Variants in LNP1 observed in about 807,000 individuals in gnomAD.
The protein encoded by LNP1 is leukemia NUP98 fusion partner 1.
A neutral mutation model predicts 14.5 loss-of-function variants in LNP1; 12 were observed. The observed-to-expected ratio is 0.83, with a 90% CI of 0.53 to 1.34. LNP1 has a LOEUF of 1.34. LNP1 is among the 40% of genes most tolerant of loss of function. The pLI is 0.00. For synonymous variants in LNP1, 75 were observed against 71.4 expected, an observed-to-expected ratio of 1.05 and a Z score of -0.26; for missense variants, 198 against 210.9, an observed-to-expected ratio of 0.94 and a Z score of 0.38.
intron 2 of LNP1, among the ~76,000 whole-genome samples, chr3:100,447,213 C>T (rs555263938): frequency 1.4e-4 from 21 of 151,980 alleles, no homozygotes; most frequent in Non-Finnish European, 2.9e-4. Context: ...TGTCCATCAG[C>T]GATAGACTGG....
At chr3:100,432,012 A>T (rs199820630) in intron 2 of LNP1, among the ~76,000 whole-genome samples, 1 of 17,904 alleles carries the variant, frequency 5.6e-5, no homozygotes, top group African/African-American at 1.9e-4. Flanking sequence ...ATATATATAT[A>T]TATATATATA....
chr3:100,408,604 A>G (rs1706994891), intron 1 of LNP1, among the ~76,000 whole-genome samples: 1 of 152,166 alleles, frequency 6.6e-6, no homozygotes, highest in African/African-American at 2.4e-5. Flanking sequence ...TTTGTCTCAC[A>G]GGGGCTATGG....
At chr3:100,422,367 T>C (rs1199670342) in intron 1 of LNP1, among the ~76,000 whole-genome samples, 1 of 152,014 alleles carries the variant, frequency 6.6e-6, no homozygotes, top group Non-Finnish European at 1.5e-5. Context: ...GCATTTTTAG[T>C]GGAGACAGGG....
Position 100,408,952 on chromosome 3 carries a change from A to G in LNP1, c.-34+6513A>G, listed in dbSNP as rs1272821848. On this transcript the variant is annotated intron_variant, in intron 1 of 3. Transcript: ENST00000383693. Reference sequence around the variant, plus strand: ...TAGCTCTCGTGAAGGTATTTTATACATAGATAGTTGTTCAAATTCATATTT... The same window carrying G: ...TAGCTCTCGTGAAGGTATTTTATACGTAGATAGTTGTTCAAATTCATATTT... 2.0e-5 allele frequency among the ~76,000 whole-genome samples: 3 copies of G among 152,324 alleles called. No homozygotes were observed. In the East Asian group the frequency reaches 5.8e-4, roughly 29 times the overall value.
intron 1 of LNP1, 79 bp downstream of exon 1, chr3:100,402,518 G>A: frequency 6.6e-6 from 1 of 152,188 alleles, no homozygotes; most frequent in East Asian, 1.9e-4. Flanking sequence ...AAAAATAGCA[G>A]TGGAATTGAG....
chr3:100,452,500 C>T (rs1255890610), intron 3 of LNP1, among the ~76,000 whole-genome samples: 3 of 152,092 alleles, frequency 2.0e-5, no homozygotes, highest in African/African-American at 7.2e-5. Context: ...AGCCACCACA[C>T]CCAGCCCCCT....
intron 1 of LNP1, among the ~76,000 whole-genome samples, chr3:100,417,371 C>A (rs74573932): frequency 1.5e-5 from 1 of 64,626 alleles, no homozygotes; most frequent in African/African-American, 5.7e-5. Flanking sequence ...TTTCTTTTTT[C>A]TTTTTTTTTT....
At chr3:100,404,762 C>T (rs1189735033) in intron 1 of LNP1, among the ~76,000 whole-genome samples, 1 of 151,586 alleles carries the variant, frequency 6.6e-6, no homozygotes, top group East Asian at 1.9e-4. Context: ...TCATCATTTT[C>T]CCCACTCATT....
At position 100,404,938 on chromosome 3, in the gene LNP1, G is replaced by GC. The variant is rs561966047; in HGVS notation, c.-34+2502dup. ...CTCCCGAGTAGCTGGGACTACTGGC[G>GC]CCCGCCACCACACCTGGATAATTTT... On this transcript the variant is annotated intron_variant, in intron 1 of 3. Coordinates refer to ENST00000383693, the MANE Select transcript of LNP1 (RefSeq NM_001085451.2). Among the ~76,000 whole-genome samples the GC allele has an allele frequency of 1.8e-3, 279 of 151,852 alleles. 2 individuals are homozygous for GC. In the South Asian group the frequency reaches 0.023, roughly 12 times the overall value.
intron 2 of LNP1, among the ~76,000 whole-genome samples, chr3:100,432,949 A>C (rs909123252): frequency 6.6e-6 from 1 of 152,210 alleles, no homozygotes; most frequent in Admixed American, 6.5e-5. Context: ...GGACCTCCAC[A>C]GTGCTTCTTC....
chr3:100,416,671 TA>T (rs1270035592), intron 1 of LNP1, among the ~76,000 whole-genome samples: 3 of 150,110 alleles, frequency 2.0e-5, no homozygotes, highest in African/African-American at 4.9e-5. Flanking sequence ...GTCCTTTTTT[TA>T]AAAAAAATAT....
chr3:100,419,122 G>C (rs1187580856), intron 1 of LNP1, among the ~76,000 whole-genome samples: 1 of 152,130 alleles, frequency 6.6e-6, no homozygotes, highest in Non-Finnish European at 1.5e-5. Context: ...TTGTCGTAGA[G>C]CTGTCCATAG....
intron 2 of LNP1, among the ~76,000 whole-genome samples, chr3:100,431,448 A>C (rs1477456386): frequency 6.6e-6 from 1 of 152,202 alleles, no homozygotes; most frequent in East Asian, 1.9e-4. Flanking sequence ...TCTCTGAGTC[A>C]GCAATGAATT....
At chr3:100,440,230 T>C (rs1707333213) in intron 2 of LNP1, among the ~76,000 whole-genome samples, 1 of 152,206 alleles carries the variant, frequency 6.6e-6, no homozygotes, top group Admixed American at 6.5e-5. Context: ...ATCACCTCTT[T>C]AAAGCCCTAT....
rs1437840009 is a variant in LNP1 at position 100,429,751 on chromosome 3, G to T, written c.22G>T (p.Asp8Tyr). The change falls in exon 2 of 4, where the codon GAT becomes TAT. Residue 8 changes from aspartate to tyrosine, a missense_variant. Coordinates refer to ENST00000383693, the MANE Select transcript of LNP1 (RefSeq NM_001085451.2). Reference sequence around the variant, plus strand: ...TTACATGGAGCACAAAGATGATGATGATGATGATGTGTCTTTTGCCAAATG... The same window carrying T: ...TTACATGGAGCACAAAGATGATGATTATGATGATGTGTCTTTTGCCAAATG... MEHKDDD[D>Y]DDVSFAKWMS... is the part of the protein sequence containing the mutation. The T allele has an allele frequency of 2.5e-6, 4 of 1,613,936 alleles. No individual in the cohort carries two copies. Among genetic ancestry groups the T allele is most frequent in the Non-Finnish European group, 3.4e-6 (4 of 1,179,920 alleles).
chr3:100,446,081 C>G (rs1707384282), intron 2 of LNP1, among the ~76,000 whole-genome samples: 1 of 152,108 alleles, frequency 6.6e-6, no homozygotes, highest in Non-Finnish European at 1.5e-5. Flanking sequence ...ACTTTCTTCA[C>G]AGAATTGGAA....
chr3:100,453,186 G>T (rs532049170), intron 3 of LNP1, among the ~76,000 whole-genome samples: 2 of 152,206 alleles, frequency 1.3e-5, no homozygotes, highest in East Asian at 3.9e-4. Flanking sequence ...CCTGACTTTT[G>T]CTCAGAGTGA....
At chr3:100,446,119 C>G (rs913523957) in intron 2 of LNP1, among the ~76,000 whole-genome samples, 5 of 151,942 alleles carry the variant, frequency 3.3e-5, no homozygotes, top group Non-Finnish European at 5.9e-5. Flanking sequence ...CATATGGAAC[C>G]AAAAAAGAGC....
intron 3 of LNP1, 47 bp from the exon 4 acceptor site, chr3:100,455,730 G>A: frequency 6.3e-7 from 1 of 1,588,720 alleles, no homozygotes; most frequent in Non-Finnish European, 8.6e-7. Flanking sequence ...GTGGAGTGTT[G>A]TCAGCTGCTT....
Sources: gnomAD v4.1 joint callset for allele counts (sites outside exome capture counted in the v4.1 genomes callset) on GRCh38, gnomAD v4.1.1 for gene constraint, MANE v1.5 for transcripts, NCBI Gene and HGNC (gene_info 2026-07-23, HGNC 2026-07-21) for gene names.